Variants in GFER observed in about 807,000 individuals in gnomAD.
GFER encodes the protein FAD-linked sulfhydryl oxidase ALR.
Under a neutral mutation model 18.2 loss-of-function variants are expected in GFER, and 24 were observed. The observed-to-expected ratio is 1.32, with a 90% CI of 0.96 to 1.86. The LOEUF (loss-of-function observed/expected upper bound fraction) is 1.86. GFER is among the 40% of genes most tolerant of loss of function. The pLI is 0.00. For missense variants in GFER, 316 were observed against 295.6 expected (o/e 1.07, Z -0.51); for synonymous variants, 138 against 126.9 (o/e 1.09, Z -0.59).
At position 1,985,916 on chromosome 16, in the gene GFER, G is replaced by C; in HGVS notation, c.506G>C (p.Trp169Ser). The C allele has an allele frequency of 1.2e-6, 2 of 1,612,964 alleles. No individual in the cohort carries two copies. The highest frequency in any genetic ancestry group is 1.7e-6 in the Non-Finnish European group (2 of 1,179,904). Residue 169 changes from tryptophan (W) to serine (S), a missense_variant, in exon 3 of 3, where the codon TGG becomes TCG. By Grantham distance (177) the Trp-to-Ser change is radical (BLOSUM62 -3). Transcript: ENST00000248114. Reference sequence around the variant, plus strand: ...CGCACCCGGGCATGCTTCACACAGTGGCTGTGCCACCTGCACAATGAAGTG... The same window carrying C: ...CGCACCCGGGCATGCTTCACACAGTCGCTGTGCCACCTGCACAATGAAGTG... ...DTRTRACFTQ[W>S]LCHLHNEVNR...
Position 1,985,781 on chromosome 16 carries a change from C to A in GFER, c.456-85C>A, listed in dbSNP as rs1019525066. The A allele has an allele frequency of 2.4e-6, 3 of 1,266,846 alleles. No individual in the cohort carries two copies. The African/African-American group carries it at 4.4e-5, about 19-fold the overall frequency. The allele number at this position is 1,266,846 out of a possible 1,614,324, so 78.5% of individuals were successfully genotyped here. A position where few individuals can be genotyped will look rare whatever the true frequency, so the allele number is the denominator to read the frequency against. ...TGTAGTTCACAGCAGTGCCCCAGCT[C>A]TCCTTCCTTGACAGCAGACAGGGAA... On this transcript the variant is annotated intron_variant, in intron 2 of 2. Transcript: ENST00000248114.
In GFER at chr16:1,984,193, G is replaced by T; in HGVS notation, c.-26G>T. ...TGGAGGCTCATCTGGAGGCCGAGCT[G>T]ACCCGGCAGGCCTTGCGCGGGCAAC... On this transcript the variant is annotated 5_prime_UTR_variant, in exon 1 of 3. Coordinates refer to ENST00000248114, the MANE Select transcript of GFER (RefSeq NM_005262.3). The T allele has an allele frequency of 1.4e-6, 2 of 1,462,322 alleles. No homozygotes were observed. Among genetic ancestry groups the T allele is most frequent in the South Asian group, 1.3e-5 (1 of 76,096 alleles). The allele number at this position is 1,462,322 out of a possible 1,614,324, so 90.6% of individuals were successfully genotyped here.
Position 1,986,105 on chromosome 16 carries a change from C to T in GFER, c.*77C>T. On this transcript the variant is annotated 3_prime_UTR_variant, in exon 3 of 3. Coordinates refer to ENST00000248114, the MANE Select transcript of GFER (RefSeq NM_005262.3). ...GGGCAGGGCACTCATTAAAGTGCAT[C>T]ACAGCCAGAGCCTGTTGTGTCTCAG... 1 of 1,428,314 alleles carries T rather than the reference C, an allele frequency of 7.0e-7. No individual in the cohort carries two copies. The highest frequency in any genetic ancestry group is 9.8e-7 in the Non-Finnish European group (1 of 1,022,160). 88.5% of individuals were successfully genotyped at this position (1,428,314 alleles called of 1,614,324 possible).
At position 1,984,276 on chromosome 16, in the gene GFER, G is replaced by A. The variant is rs1042664976; in HGVS notation, c.58G>A (p.Gly20Arg). Reference protein sequence around the residue: ...FHGGNLFFLPGGARSEMMDDL... With the variant: ...FHGGNLFFLPRGARSEMMDDL... ...CGGCGGGAACCTCTTCTTCCTGCCG[G>A]GGGGCGCGCGCTCCGAGATGATGGA... Residue 20 changes from glycine to arginine, a missense_variant, in exon 1 of 3, where the codon GGG becomes AGG. By Grantham distance (125) the Gly-to-Arg change is moderately radical. Coordinates refer to ENST00000248114, the MANE Select transcript of GFER (RefSeq NM_005262.3). 6.8e-7 allele frequency: 1 copy of A among 1,479,364 alleles called. No homozygotes were observed. The highest frequency in any genetic ancestry group is 8.9e-7 in the Non-Finnish European group (1 of 1,122,328). 91.6% of individuals were successfully genotyped at this position (1,479,364 alleles called of 1,614,324 possible).
Position 1,984,780 on chromosome 16 carries a change from G to C in GFER, c.292G>C (p.Asp98His), listed in dbSNP as rs761533080. Residue 98 changes from aspartate (D) to histidine (H), a missense_variant, in exon 2 of 3, where the codon GAT (aspartate) becomes CAT (histidine). Coordinates refer to ENST00000248114, the MANE Select transcript of GFER (RefSeq NM_005262.3). Reference sequence around the variant, plus strand: ...CAAGTTTAGGGAGGACTGCCCGCCGGATCGCGAGGAACTGGGCCGCCACAG... The same window carrying C: ...CAAGTTTAGGGAGGACTGCCCGCCGCATCGCGAGGAACTGGGCCGCCACAG... ...DTKFREDCPP[D>H]REELGRHSWA... The C allele has an allele frequency of 6.2e-7, 1 of 1,611,760 alleles. No homozygotes were observed. Among genetic ancestry groups the C allele is most frequent in the Non-Finnish European group, 8.5e-7 (1 of 1,180,004 alleles).
Position 1,986,389 on chromosome 16 carries a change from C to T in GFER, c.*361C>T. Reference sequence around the variant, plus strand: ...AAGACAGCGGGCCTGGCTGGGCATCCCTGTGCCTGTCCCTGGCGGCCAGGC... The same window carrying T: ...AAGACAGCGGGCCTGGCTGGGCATCTCTGTGCCTGTCCCTGGCGGCCAGGC... On this transcript the variant is annotated 3_prime_UTR_variant, in exon 3 of 3. Coordinates refer to ENST00000248114, the MANE Select transcript of GFER (RefSeq NM_005262.3). 3 of 366,666 alleles carry T rather than the reference C, an allele frequency of 8.2e-6. No individual in the cohort carries two copies. Among genetic ancestry groups the T allele is most frequent in the Non-Finnish European group, 1.6e-5 (3 of 187,848 alleles). 22.7% of individuals were successfully genotyped at this position (366,666 alleles called of 1,614,324 possible). A position where few individuals can be genotyped will look rare whatever the true frequency, so the allele number is the denominator to read the frequency against.
In GFER at chr16:1,987,238, G is replaced by C. The variant is rs1447084162; in HGVS notation, c.*1210G>C. On this transcript the variant is annotated 3_prime_UTR_variant, in exon 3 of 3. Transcript: ENST00000248114. ...AGATGGAGAAGGCTGAGTGCAGCAAGGTGGGGGGTGACTGGGACCCAGCCT... is the reference window on the plus strand; with the variant it reads ...AGATGGAGAAGGCTGAGTGCAGCAACGTGGGGGGTGACTGGGACCCAGCCT... 3 of 152,744 alleles carry C rather than the reference G, an allele frequency of 2.0e-5. No homozygotes were observed. Among genetic ancestry groups the C allele is most frequent in the Non-Finnish European group, 2.9e-5 (2 of 68,462 alleles). The allele number at this position is 152,744 out of a possible 1,614,324, so 9.5% of individuals were successfully genotyped here.
chr16:1,984,852 A>G lies in GFER; in HGVS notation c.364A>G (p.Thr122Ala). The G allele has an allele frequency of 2.5e-6, 4 of 1,613,590 alleles. No homozygotes were observed. Among genetic ancestry groups the G allele is most frequent in the African/African-American group, 1.3e-5 (1 of 75,034 alleles). The change falls in exon 2 of 3, where the codon ACC becomes GCC. Residue 122 changes from threonine to alanine, a missense_variant. Thr to Ala is a moderately conservative substitution (Grantham distance 58). Transcript: ENST00000248114. ...TLAAYYPDLPTPEQQQDMAQF... is the reference protein window; with the variant it reads ...TLAAYYPDLPAPEQQQDMAQF... ...GGCCGCCTACTACCCCGACCTGCCC[A>G]CCCCAGAACAGCAGCAAGACATGGC... is the stretch of plus-strand genomic sequence containing the variant.
chr16:1,986,165 T>A lies in GFER; in HGVS notation c.*137T>A. 1.1e-6 allele frequency: 1 copy of A among 885,146 alleles called. No homozygotes were observed. Among genetic ancestry groups the A allele is most frequent in the Non-Finnish European group, 1.8e-6 (1 of 549,740 alleles). The allele number at this position is 885,146 out of a possible 1,614,324, so 54.8% of individuals were successfully genotyped here. A position where few individuals can be genotyped will look rare whatever the true frequency, so the allele number is the denominator to read the frequency against. On this transcript the variant is annotated 3_prime_UTR_variant, in exon 3 of 3. Transcript: ENST00000248114. ...CCCCAGGACACTGCCTGTGGGGACC[T>A]GCCCTGCCCCTCTTAGGTTTGGAGC... is the stretch of plus-strand genomic sequence containing the variant.
chr16:1,984,504 G>T, intron 1 of GFER, 28 bp downstream of exon 1: 2 of 1,548,046 alleles, frequency 1.3e-6, no homozygotes, highest in Non-Finnish European at 8.7e-7. Flanking sequence ...ATTTCTCCCA[G>T]CCCCGCGCAG....
intron 1 of GFER, 39 bp from the exon 2 acceptor site, chr16:1,984,708 C>T: frequency 6.4e-7 from 1 of 1,573,494 alleles, no homozygotes; most frequent in Non-Finnish European, 8.7e-7. Flanking sequence ...CGCCTTTGTT[C>T]GGAGAATGAA....
Position 1,984,208 on chromosome 16 carries a change from G to A in GFER, c.-11G>A. On this transcript the variant is annotated 5_prime_UTR_variant, in exon 1 of 3. Transcript: ENST00000248114. ...AGGCCGAGCTGACCCGGCAGGCCTTGCGCGGGCAACATGGCGGCGCCCGGC... is the reference window on the plus strand; with the variant it reads ...AGGCCGAGCTGACCCGGCAGGCCTTACGCGGGCAACATGGCGGCGCCCGGC... 1 of 1,471,382 alleles carries A rather than the reference G, an allele frequency of 6.8e-7. No individual in the cohort carries two copies. The highest frequency in any genetic ancestry group is 8.9e-7 in the Non-Finnish European group (1 of 1,117,620). 91.1% of individuals were successfully genotyped at this position (1,471,382 alleles called of 1,614,324 possible).
chr16:1,985,381 T>G lies in GFER; in HGVS notation c.455+438T>G, dbSNP rs74002752. On this transcript the variant is annotated intron_variant, in intron 2 of 2. Transcript: ENST00000248114. ...CCCTTGCAGGTGTTTCTAGGCCAGA[T>G]GTATAGGGTAGAGCCGCCATTGTTG... Among the ~76,000 whole-genome samples, 1,135 of 152,312 alleles carry G rather than the reference T, an allele frequency of 7.5e-3. 19 individuals carry two copies. Among genetic ancestry groups the G allele is most frequent in the African/African-American group, 0.026 (1,085 of 41,560 alleles).
Position 1,985,862 on chromosome 16 carries a change from A to G in GFER, c.456-4A>G. 6.2e-7 allele frequency: 1 copy of G among 1,611,142 alleles called. No homozygotes were observed. ...CTCATTCTTTACCTGCTCTCCCTACACAGGCTGTGCAGGAACCACCCAGAC... is the reference window on the plus strand; with the variant it reads ...CTCATTCTTTACCTGCTCTCCCTACGCAGGCTGTGCAGGAACCACCCAGAC... On this transcript the variant is annotated splice_region_variant and splice_polypyrimidine_tract_variant and intron_variant, in intron 2 of 2. Coordinates refer to ENST00000248114, the MANE Select transcript of GFER (RefSeq NM_005262.3).
At chr16:1,984,601 C>A in intron 1 of GFER, 125 bp downstream of exon 1, 1 of 1,376,198 alleles carries the variant, frequency 7.3e-7, no homozygotes, top group Non-Finnish European at 1.0e-6. Flanking sequence ...TAGGCCCGGC[C>A]TTACAGCCTT....
rs748018775 is a variant in GFER at position 1,984,955 on chromosome 16, T to C, written c.455+12T>C. The C allele has an allele frequency of 1.7e-5, 27 of 1,598,392 alleles. No homozygotes were observed. The highest frequency in any genetic ancestry group is 2.1e-5 in the Non-Finnish European group (25 of 1,166,594). ...GACCTAAGAAAAAGGTAAGATGTGT[T>C]TGCACGCAGCAGAGCTTTGCACTGG... On this transcript the variant is annotated intron_variant, in intron 2 of 2. Coordinates refer to ENST00000248114, the MANE Select transcript of GFER (RefSeq NM_005262.3).
chr16:1,986,078 A>C lies in GFER; in HGVS notation c.*50A>C. The stretch of plus-strand genomic sequence containing the variant: ...GACAGCTAGCCAGGCATGGTTGGAT[A>C]GGGGCAGGGCACTCATTAAAGTGCA... On this transcript the variant is annotated 3_prime_UTR_variant, in exon 3 of 3. Transcript: ENST00000248114. 6.3e-7 allele frequency: 1 copy of C among 1,576,014 alleles called. No homozygotes were observed. The highest frequency in any genetic ancestry group is 8.7e-7 in the Non-Finnish European group (1 of 1,150,452).
chr16:1,984,920 G>A lies in GFER; in HGVS notation c.432G>A (p.Glu144=), dbSNP rs1267145037. 1.9e-6 allele frequency: 3 copies of A among 1,613,112 alleles called. No individual in the cohort carries two copies. Among genetic ancestry groups the A allele is most frequent in the African/African-American group, 2.7e-5 (2 of 74,914 alleles). Residue 144 remains glutamate, a synonymous_variant, in exon 2 of 3, where the codon GAG becomes GAA. Transcript: ENST00000248114. ...HLFSKFYPCE[E]CAEDLRKRLC... ...TTTCTAAGTTTTACCCCTGTGAGGA[G>A]TGTGCTGAAGACCTAAGAAAAAGGT...
chr16:1,985,738 C>T, intron 2 of GFER, 128 bp from the exon 3 acceptor site: 3 of 882,466 alleles, frequency 3.4e-6, no homozygotes, highest in Non-Finnish European at 5.7e-6. Flanking sequence ...TACCTTGGAG[C>T]ATAAGGGCAC....
Sources: allele counts gnomAD v4.1 joint callset (sites outside exome capture counted in the v4.1 genomes callset), GRCh38; gene constraint gnomAD v4.1.1; transcripts MANE v1.5; gene names NCBI Gene and HGNC (gene_info 2026-07-23, HGNC 2026-07-21).